The following RIMS3 variants were observed in gnomAD, a reference collection of about 807,000 sequenced individuals.
The protein encoded by RIMS3 is regulating synaptic membrane exocytosis protein 3.
In RIMS3, 15 loss-of-function variants were observed where a neutral mutation model predicts 29.2. The ratio of observed to expected loss-of-function variants is 0.51; its 90% confidence interval spans 0.34 to 0.79. The LOEUF (loss-of-function observed/expected upper bound fraction) is 0.79, where lower values mean the gene tolerates loss of function less well. Among genes scored for constraint, RIMS3 ranks in the 30% least tolerant of loss-of-function variants. The probability of loss-of-function intolerance (pLI) is 0.01; values close to 1 mark genes in which losing one functional copy is unlikely to be tolerated. For missense variants in RIMS3, 342 were observed against 421.4 expected, an observed-to-expected ratio of 0.81 and a Z score of 1.65; for synonymous variants, 161 against 170.1, an observed-to-expected ratio of 0.95 and a Z score of 0.41.
At chr1:40,646,915 C>T (rs1225288280) in intron 2 of RIMS3, among the ~76,000 whole-genome samples, 1 of 149,946 alleles carries the variant, frequency 6.7e-6, no homozygotes, top group Non-Finnish European at 1.5e-5. Flanking sequence ...GAGTCTTGCT[C>T]TGTCACCCAG....
chr1:40,663,487 C>T (rs1642381793), intron 1 of RIMS3, among the ~76,000 whole-genome samples: 1 of 152,160 alleles, frequency 6.6e-6, no homozygotes, highest in African/African-American at 2.4e-5. Flanking sequence ...CAGGGACCCT[C>T]CAGGCTCCAG....
chr1:40,641,610 G>A, intron 3 of RIMS3, 99 bp downstream of exon 3: 1 of 1,175,364 alleles, frequency 8.5e-7, no homozygotes, highest in African/African-American at 1.5e-5. Context: ...ATAAGTGTCT[G>A]TGGGCATGGA....
chr1:40,638,527 A>G lies in RIMS3; in HGVS notation c.218-2470T>C, dbSNP rs556314172. 3.9e-5 allele frequency among the ~76,000 whole-genome samples: 6 copies of G among 152,272 alleles called. 1 individual carries two copies. The South Asian group carries it at 1.2e-3, about 32-fold the overall frequency. ...GTCCCATCACAAACAAAGGAGGGGC[A>G]CTCACAGCCTGTACCACCACTCCCT... On this transcript the variant is annotated intron_variant, in intron 3 of 7. Coordinates refer to ENST00000372684, the MANE Select transcript of RIMS3 (RefSeq NM_014747.3).
In RIMS3 at chr1:40,654,509, C is replaced by T. The variant is rs1642245140; in HGVS notation, c.-206-6667G>A. ...TACACAAAACAACAGGCACACACCA[C>T]ACCCAGCAGGCAATCCACCTAGACA... On this transcript the variant is annotated intron_variant, in intron 1 of 7. Coordinates refer to ENST00000372684, the MANE Select transcript of RIMS3 (RefSeq NM_014747.3). The surrounding 1 kb of genome is among the most constrained non-coding windows in gnomAD (Gnocchi z 5.3). 6.6e-6 allele frequency among the ~76,000 whole-genome samples: 1 copy of T among 152,120 alleles called. No individual in the cohort carries two copies. The highest frequency in any genetic ancestry group is 1.5e-5 in the Non-Finnish European group (1 of 68,022).
At chr1:40,644,746 G>A (rs77522529) in intron 2 of RIMS3, among the ~76,000 whole-genome samples, 4,694 of 152,290 alleles carry the variant, frequency 0.031, 235 homozygotes, top group African/African-American at 0.11. Flanking sequence ...TCTCCAGCAT[G>A]CTCTGCACCC....
intron 5 of RIMS3, among the ~76,000 whole-genome samples, chr1:40,630,960 AG>A (rs1646485410): frequency 6.6e-6 from 1 of 152,214 alleles, no homozygotes; most frequent in Non-Finnish European, 1.5e-5. Flanking sequence ...GCTCCTGGGC[AG>A]GAGCTTTTGA....
the RIMS3 span, among the ~76,000 whole-genome samples, chr1:40,676,776 A>G: frequency 2.4e-4 from 36 of 152,262 alleles, no homozygotes; most frequent in South Asian, 5.4e-3. Context: ...GTTGATAATA[A>G]TACTCCCTTG....
At chr1:40,672,998 G>A in the RIMS3 span, among the ~76,000 whole-genome samples, 2 of 152,102 alleles carry the variant, frequency 1.3e-5, no homozygotes, top group Non-Finnish European at 2.9e-5. Context: ...TGACCAACAT[G>A]GTGAAAACCT....
chr1:40,639,414 G>A (rs1045464311), intron 3 of RIMS3, among the ~76,000 whole-genome samples: 6 of 152,218 alleles, frequency 3.9e-5, no homozygotes, highest in African/African-American at 1.2e-4. Context: ...GGAGAGGAAC[G>A]TGCTACAGGG....
chr1:40,683,991 T>A, the RIMS3 span, among the ~76,000 whole-genome samples: 1 of 152,236 alleles, frequency 6.6e-6, no homozygotes. Context: ...ACCATGTTTA[T>A]GCATGACCCT....
chr1:40,647,213 A>C (rs562279356), intron 2 of RIMS3, among the ~76,000 whole-genome samples: 1 of 152,184 alleles, frequency 6.6e-6, no homozygotes, highest in Non-Finnish European at 1.5e-5. Flanking sequence ...AGGCCGCACA[A>C]AAGCTCAAGA....
chr1:40,679,354 G>C, the RIMS3 span, among the ~76,000 whole-genome samples: 28 of 152,232 alleles, frequency 1.8e-4, no homozygotes, highest in African/African-American at 6.8e-4. Context: ...ATGACAGGAA[G>C]CCAGCTGGCA....
chr1:40,639,314 A>G (rs534957903), intron 3 of RIMS3, among the ~76,000 whole-genome samples: 117 of 152,276 alleles, frequency 7.7e-4, no homozygotes, highest in African/African-American at 2.7e-3. Context: ...TTCCTCTGGC[A>G]CCAGATGCTC....
chr1:40,670,575 TA>T (rs1462598989), upstream of RIMS3, among the ~76,000 whole-genome samples: 3 of 11,164 alleles, frequency 2.7e-4, no homozygotes, highest in Non-Finnish European at 5.2e-4. Flanking sequence ...GTTATAATTT[TA>T]TATATATATA....
chr1:40,646,230 C>T (rs1444863206), intron 2 of RIMS3, among the ~76,000 whole-genome samples: 2 of 152,096 alleles, frequency 1.3e-5, no homozygotes, highest in African/African-American at 2.4e-5. Context: ...GTTTCTTCTC[C>T]GGCAGCAGGT....
chr1:40,670,574 T>TATATATATATATATA (rs1642479702), upstream of RIMS3, among the ~76,000 whole-genome samples: 1 of 71,188 alleles, frequency 1.4e-5, no homozygotes, highest in African/African-American at 6.9e-5. Context: ...AGTTATAATT[T>TATATATATATATATA]TATATATATA....
intron 1 of RIMS3, among the ~76,000 whole-genome samples, chr1:40,664,959 G>A (rs1325855471): frequency 1.3e-5 from 2 of 152,048 alleles, no homozygotes; most frequent in Non-Finnish European, 2.9e-5. Context: ...GGGTCCTCTG[G>A]ACACCACAAC....
At chr1:40,688,910 T>A in the RIMS3 span, among the ~76,000 whole-genome samples, 14 of 152,334 alleles carry the variant, frequency 9.2e-5, no homozygotes, top group Admixed American at 5.2e-4. Flanking sequence ...TTACAATATC[T>A]ACCTTCTTCA....
chr1:40,638,164 G>T (rs1041620970), intron 3 of RIMS3, among the ~76,000 whole-genome samples: 6 of 152,144 alleles, frequency 3.9e-5, no homozygotes. Flanking sequence ...GAAGCCTGAG[G>T]TTCAGGTGCC....
Sources: gnomAD v4.1 joint callset for allele counts (sites outside exome capture counted in the v4.1 genomes callset) on GRCh38, gnomAD v4.1.1 for gene constraint, Gnocchi (gnomAD v3.1) non-coding constraint, MANE v1.5 for transcripts, NCBI Gene and HGNC (gene_info 2026-07-23, HGNC 2026-07-21) for gene names.